The following SYNE1 variants were observed in gnomAD, a reference collection of about 807,000 sequenced individuals.
SYNE1 encodes the protein nesprin-1.
A neutral mutation model predicts 1,111.0 loss-of-function variants in SYNE1; 616 were observed. That is an observed-to-expected ratio of 0.55 (90% CI 0.52 to 0.59). The LOEUF (loss-of-function observed/expected upper bound fraction) is 0.59. Ranked by LOEUF, SYNE1 falls within the 20% of genes least tolerant of loss-of-function variation. The pLI, the probability that SYNE1 is intolerant of heterozygous loss-of-function variation, is 0.00. For missense variants in SYNE1, 10,006 were observed against 10,417.0 expected (o/e 0.96, Z 1.72); for synonymous variants, 3,855 against 3,825.8 (o/e 1.01, Z -0.28).
chr6:152,517,217 C>A (rs1275629091), intron 6 of SYNE1, among the ~76,000 whole-genome samples: 1 of 152,150 alleles, frequency 6.6e-6, no homozygotes, highest in African/African-American at 2.4e-5. Flanking sequence ...TATAGAAAGT[C>A]ATCAATTATG....
chr6:152,144,918 C>T (rs1159706772), intron 137 of SYNE1: 2 of 165,388 alleles, frequency 1.2e-5, no homozygotes, highest in Non-Finnish European at 2.7e-5. Flanking sequence ...GCTCAGCATA[C>T]CGTGAAATAC....
chr6:152,297,123 G>A (rs1451128758), intron 93 of SYNE1, among the ~76,000 whole-genome samples: 1 of 152,122 alleles, frequency 6.6e-6, no homozygotes, highest in Non-Finnish European at 1.5e-5. Context: ...TCCATGATGT[G>A]GTTCCCATAT....
chr6:152,493,344 G>T (rs185386062), intron 11 of SYNE1, among the ~76,000 whole-genome samples: 1 of 152,120 alleles, frequency 6.6e-6, no homozygotes, highest in South Asian at 2.1e-4. Flanking sequence ...CCCTTATTCT[G>T]TTCTGGATTT....
chr6:152,239,537 A>G lies in SYNE1; in HGVS notation c.20063T>C (p.Leu6688Pro), dbSNP rs1562422983. 6.2e-7 allele frequency: 1 copy of G among 1,614,190 alleles called. No individual in the cohort carries two copies. Among genetic ancestry groups the G allele is most frequent in the Non-Finnish European group, 8.5e-7 (1 of 1,180,024 alleles). ...HKRGVELEYI[L>P]ETWSHLDEDQ... ...ATATGACATCAATGGTCTCACCTCTAGAATGTACTCCAGCTCCACACCCCT... is the reference window on the plus strand; with the variant it reads ...ATATGACATCAATGGTCTCACCTCTGGAATGTACTCCAGCTCCACACCCCT... Residue 6688 changes from leucine to proline, a missense_variant, in exon 108 of 146, where the codon CTA becomes CCA. Leu to Pro is a moderately conservative substitution (Grantham distance 98). This residue lies in a region of SYNE1 where 2,182 missense variants were observed against 2,287.8 expected (regional missense o/e 0.95). Transcript: ENST00000367255.
intron 140 of SYNE1, among the ~76,000 whole-genome samples, chr6:152,138,299 T>G (rs1585865534): frequency 6.6e-6 from 1 of 151,846 alleles, no homozygotes; most frequent in East Asian, 1.9e-4. Context: ...TCACTTGAGG[T>G]CAGGAATTCG....
chr6:152,455,590 T>A lies in SYNE1; in HGVS notation c.2728A>T (p.Ser910Cys), dbSNP rs141214076. 9.9e-6 allele frequency: 16 copies of A among 1,614,048 alleles called. No homozygotes were observed. In the East Asian group the frequency reaches 3.3e-4, roughly 34 times the overall value. Residue 910 changes from serine to cysteine, a missense_variant and splice_region_variant, in exon 24 of 146, where the codon AGT becomes TGT. Ser to Cys is a moderately radical substitution (Grantham distance 112, BLOSUM62 -1). Coordinates refer to ENST00000367255, the MANE Select transcript of SYNE1 (RefSeq NM_182961.4). ...CAATCTCCAGTTTTCTTTACCATAC[T>A]CTTGATGTGAAAAACAATCATAATG... ...QIADIHVAFQ[S>C]MVKKTGDWKK...
At chr6:152,224,398 A>G in intron 117 of SYNE1, 96 bp downstream of exon 117, 2 of 1,074,466 alleles carry the variant, frequency 1.9e-6, no homozygotes, top group Non-Finnish European at 2.8e-6. Context: ...CGTAAACAAC[A>G]TATGGCAATA....
At chr6:152,597,331 G>T (rs920608822) in intron 3 of SYNE1, among the ~76,000 whole-genome samples, 1 of 152,182 alleles carries the variant, frequency 6.6e-6, no homozygotes, top group East Asian at 1.9e-4. Context: ...AGGCTGGAGG[G>T]CAGTGACATG....
intron 81 of SYNE1, among the ~76,000 whole-genome samples, chr6:152,324,531 C>A (rs1306388859): frequency 1.3e-5 from 2 of 151,998 alleles, no homozygotes; most frequent in Non-Finnish European, 2.9e-5. Flanking sequence ...CGGTGGCTCA[C>A]GCCTGTAATC....
Position 152,242,869 on chromosome 6 carries a change from A to G in SYNE1, c.19693-429T>C, listed in dbSNP as rs537301065. Among the ~76,000 whole-genome samples the G allele has an allele frequency of 3.9e-5, 6 of 152,350 alleles. No homozygotes were observed. In the East Asian group the frequency reaches 9.6e-4, roughly 24 times the overall value. ...CACTGAAAGGATAAAATAAATATTCAATAAATAATGTGGAAACAACTCAAC... is the reference window on the plus strand; with the variant it reads ...CACTGAAAGGATAAAATAAATATTCGATAAATAATGTGGAAACAACTCAAC... On this transcript the variant is annotated intron_variant, in intron 106 of 145. Transcript: ENST00000367255.
chr6:152,621,626 C>T (rs76216034), intron 3 of SYNE1, among the ~76,000 whole-genome samples: 9,845 of 150,826 alleles, frequency 0.065, 508 homozygotes, highest in East Asian at 0.16. Flanking sequence ...TATTTGAGAG[C>T]GAATATTTTA....
intron 62 of SYNE1, among the ~76,000 whole-genome samples, chr6:152,365,841 C>T (rs1368020556): frequency 6.6e-6 from 1 of 152,100 alleles, no homozygotes; most frequent in Non-Finnish European, 1.5e-5. Flanking sequence ...TAATGTGGTT[C>T]TTGCCAACTT....
intron 3 of SYNE1, among the ~76,000 whole-genome samples, chr6:152,543,687 C>A (rs934197795): frequency 6.6e-6 from 1 of 152,164 alleles, no homozygotes; most frequent in African/African-American, 2.4e-5. Flanking sequence ...GACAGTAGTG[C>A]CATAAGATTA....
At position 152,321,296 on chromosome 6, in the gene SYNE1, G is replaced by A. The variant is rs1256253991; in HGVS notation, c.16178C>T (p.Pro5393Leu). Residue 5393 changes from proline (P) to leucine (L), a missense_variant, in exon 84 of 146, where the codon CCT becomes CTT. Around this residue, in one of 7 missense-constraint regions of SYNE1, gnomAD observed 4,955 missense variants for 5,017.2 expected, o/e 0.99. Coordinates refer to ENST00000367255, the MANE Select transcript of SYNE1 (RefSeq NM_182961.4). Reference protein sequence around the residue: ...EKYLGLYTILPSELSLQLAEV... With the variant: ...EKYLGLYTILLSELSLQLAEV... Reference sequence around the variant, plus strand: ...AGCCAACTGAAGGGAGAGTTCAGAAGGTAATATGGTATAAAGACCTAAGTA... The same window carrying A: ...AGCCAACTGAAGGGAGAGTTCAGAAAGTAATATGGTATAAAGACCTAAGTA... The A allele has an allele frequency of 1.1e-5, 17 of 1,613,750 alleles. No homozygotes were observed. Among genetic ancestry groups the A allele is most frequent in the Non-Finnish European group, 1.4e-5 (16 of 1,179,866 alleles).
chr6:152,621,500 A>C (rs1166442641), intron 3 of SYNE1, among the ~76,000 whole-genome samples: 1 of 152,184 alleles, frequency 6.6e-6, no homozygotes, highest in African/African-American at 2.4e-5. Flanking sequence ...TGCCATATAA[A>C]ATATACTGAC....
chr6:152,143,577 A>T, intron 138 of SYNE1, 46 bp downstream of exon 138: 1 of 1,613,650 alleles, frequency 6.2e-7, no homozygotes. Context: ...TTGACACAGA[A>T]CTGTGGTTTC....
At chr6:152,521,712 T>G (rs1400500877) in intron 5 of SYNE1, among the ~76,000 whole-genome samples, 1 of 152,210 alleles carries the variant, frequency 6.6e-6, no homozygotes, top group Non-Finnish European at 1.5e-5. Context: ...TTGGGTTGTT[T>G]GCACCCATAT....
Position 152,331,464 on chromosome 6 carries a change from G to A in SYNE1, c.13221C>T (p.Asp4407=), listed in dbSNP as rs10499268. 65,780 of 1,614,068 alleles carry A rather than the reference G, an allele frequency of 0.041. 1,480 individuals are homozygous for A. The highest frequency in any genetic ancestry group is 0.045 in the Non-Finnish European group (52,514 of 1,180,018). ...CAAGATCTGCCATGACCCTGTCTGC[G>A]TCCTTTATAAGCGATTTCAGGAGCA... is the stretch of plus-strand genomic sequence containing the variant. ...KQMLLKSLIK[D]ADRVMADLGL... The change falls in exon 78 of 146, where the codon GAC becomes GAT. Residue 4407 remains aspartate, a synonymous_variant. Coordinates refer to ENST00000367255, the MANE Select transcript of SYNE1 (RefSeq NM_182961.4).
chr6:152,151,465 T>A, intron 135 of SYNE1, 88 bp downstream of exon 135: 1 of 1,537,734 alleles, frequency 6.5e-7, no homozygotes, highest in South Asian at 1.2e-5. Flanking sequence ...AAAAGAAAAG[T>A]TATTTGCTAT....
Sources: allele counts gnomAD v4.1 joint callset (sites outside exome capture counted in the v4.1 genomes callset), GRCh38; gene constraint gnomAD v4.1.1; regional missense constraint gnomAD v4.1.1; transcripts MANE v1.5; gene names NCBI Gene and HGNC (gene_info 2026-07-23, HGNC 2026-07-21).